SULT1E1: variants seen among roughly 807,000 people sequenced by gnomAD.
The protein encoded by SULT1E1 is sulfotransferase family 1E member 1.
Under a neutral mutation model 33.6 loss-of-function variants are expected in SULT1E1, and 36 were observed. That is an observed-to-expected ratio of 1.07 (90% CI 0.82 to 1.41). The LOEUF (loss-of-function observed/expected upper bound fraction) is 1.41. Ranked by LOEUF, SULT1E1 falls within the 40% of genes most tolerant of loss-of-function variation. The probability of loss-of-function intolerance (pLI) is 0.00; values close to 1 mark genes in which losing one functional copy is unlikely to be tolerated. For synonymous variants in SULT1E1, 121 were observed against 111.7 expected, an observed-to-expected ratio of 1.08 and a Z score of -0.53; for missense variants, 371 against 345.7, an observed-to-expected ratio of 1.07 and a Z score of -0.58.
the SULT1E1 span, among the ~76,000 whole-genome samples, chr4:69,825,213 C>G: frequency 2.0e-5 from 3 of 151,760 alleles, no homozygotes; most frequent in African/African-American, 7.3e-5. Flanking sequence ...GCGCAGGTCT[C>G]TGGCTTCACT....
intron 2 of SULT1E1, 90 bp from the exon 3 acceptor site, chr4:69,855,516 G>T (rs1208670439): frequency 1.8e-5 from 25 of 1,360,220 alleles, no homozygotes. Context: ...AAGTTGGAAG[G>T]TACCAATGCA....
chr4:69,824,371 A>C, the SULT1E1 span, among the ~76,000 whole-genome samples: 1 of 152,172 alleles, frequency 6.6e-6, no homozygotes, highest in African/African-American at 2.4e-5. Context: ...TAGAAAAAGA[A>C]AGGCTTAGTT....
intron 1 of SULT1E1, among the ~76,000 whole-genome samples, chr4:69,859,487 G>A (rs138972547): frequency 8.3e-4 from 126 of 152,228 alleles, no homozygotes; most frequent in Non-Finnish European, 1.4e-3. Flanking sequence ...ACACAAAGTA[G>A]ATGTTCAGAA....
intron 2 of SULT1E1, among the ~76,000 whole-genome samples, chr4:69,856,024 A>G (rs1435112000): frequency 6.6e-6 from 1 of 152,200 alleles, no homozygotes; most frequent in Non-Finnish European, 1.5e-5. Flanking sequence ...ACATTTTGAC[A>G]AGAAATGCCT....
At chr4:69,825,689 A>G in the SULT1E1 span, among the ~76,000 whole-genome samples, 147 of 152,216 alleles carry the variant, frequency 9.7e-4, no homozygotes, top group African/African-American at 3.4e-3. Context: ...TAGAGAGGAA[A>G]GCCATTCAGC....
At chr4:69,843,701 A>T (rs1343050972) in intron 7 of SULT1E1, among the ~76,000 whole-genome samples, 1 of 152,192 alleles carries the variant, frequency 6.6e-6, no homozygotes, top group Non-Finnish European at 1.5e-5. Flanking sequence ...CTATATTTGA[A>T]TTTCTATTTT....
chr4:69,853,415 G>C (rs1721166843), intron 4 of SULT1E1, among the ~76,000 whole-genome samples: 2 of 152,062 alleles, frequency 1.3e-5, no homozygotes, highest in Non-Finnish European at 2.9e-5. Flanking sequence ...TCCGTTCCTA[G>C]CTAATCTGCC....
At chr4:69,823,107 C>G in the SULT1E1 span, among the ~76,000 whole-genome samples, 1 of 152,150 alleles carries the variant, frequency 6.6e-6, no homozygotes, top group Non-Finnish European at 1.5e-5. Flanking sequence ...TGAGTGCACT[C>G]AGACCCAGCA....
downstream of SULT1E1, among the ~76,000 whole-genome samples, chr4:69,840,210 T>TA (rs200045182): frequency 0.021 from 3,248 of 151,930 alleles, 57 homozygotes; most frequent in Middle Eastern, 0.048. Context: ...TATTAAACAT[T>TA]AAAAAAAAGC....
intron 5 of SULT1E1, among the ~76,000 whole-genome samples, chr4:69,848,371 C>A (rs1197863441): frequency 6.6e-6 from 1 of 151,710 alleles, no homozygotes; most frequent in African/African-American, 2.4e-5. Flanking sequence ...GCTGTCTCTT[C>A]CTTTTTCTTT....
At chr4:69,844,822 C>T (rs1429324115) in intron 6 of SULT1E1, among the ~76,000 whole-genome samples, 1 of 152,090 alleles carries the variant, frequency 6.6e-6, no homozygotes, top group African/African-American at 2.4e-5. Flanking sequence ...TGTCTGTACA[C>T]CATAGCTACA....
chr4:69,836,651 ATCT>A (rs1162284939), downstream of SULT1E1, among the ~76,000 whole-genome samples: 11 of 152,294 alleles, frequency 7.2e-5, no homozygotes, highest in Non-Finnish European at 4.4e-5. Flanking sequence ...TTCATAATAA[ATCT>A]TCTTGCTTGT....
downstream of SULT1E1, among the ~76,000 whole-genome samples, chr4:69,838,037 C>T (rs1720820405): frequency 6.6e-6 from 1 of 152,064 alleles, no homozygotes; most frequent in African/African-American, 2.4e-5. Context: ...AATGGCCATT[C>T]CTTCTAAATT....
chr4:69,824,596 G>C, the SULT1E1 span, among the ~76,000 whole-genome samples: 155 of 152,274 alleles, frequency 1.0e-3, no homozygotes, highest in African/African-American at 3.7e-3. Context: ...TCTTGGTCGG[G>C]TGGGGACTTG....
chr4:69,847,282 C>CTT (rs1720995888), intron 6 of SULT1E1, among the ~76,000 whole-genome samples: 1 of 150,828 alleles, frequency 6.6e-6, no homozygotes, highest in Non-Finnish European at 1.5e-5. Flanking sequence ...AAAATTTCAT[C>CTT]TTTTATTTAT....
chr4:69,829,768 C>T, the SULT1E1 span, among the ~76,000 whole-genome samples: 2 of 152,198 alleles, frequency 1.3e-5, no homozygotes, highest in Non-Finnish European at 2.9e-5. Context: ...ACTCCAATGG[C>T]TCCTACAATG....
chr4:69,846,051 A>C (rs1720970045), intron 6 of SULT1E1, among the ~76,000 whole-genome samples: 1 of 150,870 alleles, frequency 6.6e-6, no homozygotes, highest in Non-Finnish European at 1.5e-5. Flanking sequence ...CATGGATATC[A>C]ATTGCTTTTT....
At chr4:69,822,438 C>T in the SULT1E1 span, among the ~76,000 whole-genome samples, 1 of 151,954 alleles carries the variant, frequency 6.6e-6, no homozygotes, top group Admixed American at 6.6e-5. Flanking sequence ...AAGACCCCAT[C>T]TCTACACAAA....
chr4:69,846,016 AG>A (rs1284868463), intron 6 of SULT1E1, among the ~76,000 whole-genome samples: 4 of 151,016 alleles, frequency 2.6e-5, no homozygotes, highest in Non-Finnish European at 5.9e-5. Flanking sequence ...AGGATTTTAA[AG>A]GTTATTCAAA....
Sources: gnomAD v4.1 joint callset for allele counts (sites outside exome capture counted in the v4.1 genomes callset) on GRCh38, gnomAD v4.1.1 for gene constraint, MANE v1.5 for transcripts, NCBI Gene and HGNC (gene_info 2026-07-23, HGNC 2026-07-21) for gene names.